The following USP32 variants were observed in gnomAD, a reference collection of about 807,000 sequenced individuals.
USP32 encodes ubiquitin carboxyl-terminal hydrolase 32.
Under a neutral mutation model 204.8 loss-of-function variants are expected in USP32, and 59 were observed. The observed-to-expected ratio is 0.29, with a 90% CI of 0.23 to 0.36. USP32 has a LOEUF of 0.36. USP32 is among the 10% of genes least tolerant of loss of function. The probability of loss-of-function intolerance (pLI) is 1.00; values close to 1 mark genes in which losing one functional copy is unlikely to be tolerated. For synonymous variants in USP32, 517 were observed against 678.4 expected (o/e 0.76, Z 3.70); for missense variants, 1,160 against 1,946.4 (o/e 0.60, Z 7.60).
In USP32 at chr17:60,178,647, G is replaced by A. The variant is rs930732186; in HGVS notation, c.*608C>T. On this transcript the variant is annotated 3_prime_UTR_variant, in exon 34 of 34. Coordinates refer to ENST00000300896, the MANE Select transcript of USP32 (RefSeq NM_032582.4). ...GCCCCTGCCACCAATGACTGGTTGT[G>A]TCTCAAACATAAATACAACGGCAAA... Among the ~76,000 whole-genome samples, 1 of 152,138 alleles carries A rather than the reference G, an allele frequency of 6.6e-6. No homozygotes were observed. The highest frequency in any genetic ancestry group is 2.4e-5 in the African/African-American group (1 of 41,422).
At position 60,198,242 on chromosome 17, in the gene USP32, T is replaced by C. The variant is rs1418145804; in HGVS notation, c.3434+18A>G. On this transcript the variant is annotated intron_variant, in intron 27 of 33. Coordinates refer to ENST00000300896, the MANE Select transcript of USP32 (RefSeq NM_032582.4). ...AGAGTTTGGAAACCACAGGTTTAGA[T>C]GGATCCCCTGAACTCACCAATCCTG... 6.2e-7 allele frequency: 1 copy of C among 1,611,940 alleles called. No homozygotes were observed. The highest frequency in any genetic ancestry group is 8.5e-7 in the Non-Finnish European group (1 of 1,179,282).
rs187016163 is a variant in USP32, at chr17:60,360,163, C to G, written c.59-14555G>C. On this transcript the variant is annotated intron_variant, in intron 1 of 33. Coordinates refer to ENST00000300896, the MANE Select transcript of USP32 (RefSeq NM_032582.4). ...GATTACAAGCGTGAGCCACCGCGCC[C>G]GGCCCTGTAAGACAAAGATCCTTAA... Among the ~76,000 whole-genome samples, 1,205 of 151,924 alleles carry G rather than the reference C, an allele frequency of 7.9e-3. 23 individuals are homozygous for G. The highest frequency in any genetic ancestry group is 0.028 in the African/African-American group (1,171 of 41,514).
chr17:60,405,144 G>A (rs750171827), intron 1 of USP32, among the ~76,000 whole-genome samples: 105 of 151,996 alleles, frequency 6.9e-4, no homozygotes, highest in Non-Finnish European at 1.3e-3. Context: ...CAGCCTAGGC[G>A]ACAGAGCAAA....
At chr17:60,416,941 A>G (rs1598326057) in intron 1 of USP32, among the ~76,000 whole-genome samples, 2 of 149,298 alleles carry the variant, frequency 1.3e-5, no homozygotes, top group East Asian at 3.9e-4. Context: ...TTTTTGAGAC[A>G]GAGTCTCAAT....
intron 1 of USP32, among the ~76,000 whole-genome samples, chr17:60,358,773 C>T (rs1397192612): frequency 2.0e-5 from 3 of 152,070 alleles, no homozygotes; most frequent in Admixed American, 6.6e-5. Context: ...TTGAGGATGA[C>T]GGTGCTTCGC....
chr17:60,294,078 C>T (rs969896106), intron 4 of USP32, among the ~76,000 whole-genome samples: 5 of 152,092 alleles, frequency 3.3e-5, no homozygotes, highest in Non-Finnish European at 5.9e-5. Context: ...TGACTTTCCC[C>T]ACCCTCTGGT....
At chr17:60,251,031 C>G (rs2086152901) in intron 11 of USP32, among the ~76,000 whole-genome samples, 1 of 151,604 alleles carries the variant, frequency 6.6e-6, no homozygotes, top group Admixed American at 6.6e-5. Flanking sequence ...CAGCCTTGAC[C>G]TCCTGGGCTC....
rs1166565040 is a variant in USP32 at position 60,367,494 on chromosome 17, C to T, written c.59-21886G>A. On this transcript the variant is annotated intron_variant, in intron 1 of 33. Transcript: ENST00000300896. Reference sequence around the variant, plus strand: ...ACTGCACTCTAGCTGGGCAACAGAACGTGTCTCACAAAACAGAAAGAAAGA... The same window carrying T: ...ACTGCACTCTAGCTGGGCAACAGAATGTGTCTCACAAAACAGAAAGAAAGA... Among the ~76,000 whole-genome samples, 7 of 152,004 alleles carry T rather than the reference C, an allele frequency of 4.6e-5. No individual in the cohort carries two copies. In the South Asian group the frequency reaches 6.2e-4, roughly 13 times the overall value.
intron 15 of USP32, 49 bp downstream of exon 15, chr17:60,222,360 C>T (rs760753437): frequency 6.3e-7 from 1 of 1,574,818 alleles, no homozygotes; most frequent in Admixed American, 1.8e-5. Context: ...TAACAGAAGA[C>T]CCCCATCTAT....
chr17:60,392,589 T>C (rs1045111413), upstream of USP32: 3 of 445,546 alleles, frequency 6.7e-6, no homozygotes, highest in African/African-American at 6.1e-5. Context: ...CCGCAGAATC[T>C]TAGGGAATGG....
Position 60,284,266 on chromosome 17 carries a change from T to A in USP32, c.571+4257A>T, listed in dbSNP as rs8066117. Among the ~76,000 whole-genome samples the A allele has an allele frequency of 4.7e-5, 7 of 148,452 alleles. No individual in the cohort carries two copies. In the South Asian group the frequency reaches 1.5e-3, roughly 32 times the overall value. On this transcript the variant is annotated intron_variant, in intron 5 of 33. Coordinates refer to ENST00000300896, the MANE Select transcript of USP32 (RefSeq NM_032582.4). Reference sequence around the variant, plus strand: ...TCTCGCCCTGTCGCCCAGGCTGGAGTGTAGTGGCATGATCTTGGCTCACTG... The same window carrying A: ...TCTCGCCCTGTCGCCCAGGCTGGAGAGTAGTGGCATGATCTTGGCTCACTG...
chr17:60,208,339 T>G (rs976974545), intron 23 of USP32, 129 bp from the exon 24 acceptor site: 76 of 902,162 alleles, frequency 8.4e-5, no homozygotes, highest in African/African-American at 5.7e-4. Context: ...TTATTTTATG[T>G]GTAAACACTA....
chr17:60,379,586 C>T (rs969409829), intron 1 of USP32, among the ~76,000 whole-genome samples: 2 of 152,114 alleles, frequency 1.3e-5, no homozygotes, highest in African/African-American at 4.8e-5. Context: ...TACAGTGTAA[C>T]CTACAATTGT....
chr17:60,245,791 T>C (rs2086005283), intron 11 of USP32: 1 of 152,226 alleles, frequency 6.6e-6, no homozygotes, highest in Non-Finnish European at 1.5e-5. Context: ...AAGACAGATT[T>C]CCTGGTAACA....
chr17:60,232,613 C>T (rs2085600895), intron 12 of USP32, among the ~76,000 whole-genome samples: 2 of 143,816 alleles, frequency 1.4e-5, no homozygotes, highest in African/African-American at 5.2e-5. Context: ...GTGGCATCAT[C>T]TTGGCTCTCT....
At chr17:60,388,091 T>C (rs1195786623) in intron 1 of USP32, among the ~76,000 whole-genome samples, 1 of 152,072 alleles carries the variant, frequency 6.6e-6, no homozygotes, top group African/African-American at 2.4e-5. Context: ...TCAGTAAAAA[T>C]CTGCTGAATT....
intron 11 of USP32, chr17:60,249,342 A>G: frequency 5.9e-6 from 1 of 169,338 alleles, no homozygotes; most frequent in Non-Finnish European, 1.3e-5. Flanking sequence ...GTTTCTCCTG[A>G]GTTTGTGTAT....
intron 4 of USP32, among the ~76,000 whole-genome samples, chr17:60,293,226 G>C (rs563503381): frequency 1.1e-4 from 16 of 152,160 alleles, no homozygotes; most frequent in African/African-American, 3.9e-4. Context: ...TAAGTTTTTA[G>C]AGTACTGGGT....
intron 9 of USP32, among the ~76,000 whole-genome samples, chr17:60,259,281 A>G (rs8072802): frequency 0.022 from 3,276 of 152,290 alleles, 139 homozygotes; most frequent in African/African-American, 0.075. Flanking sequence ...TGGCCTTTTA[A>G]AGAGAAGAAG....
Sources: allele counts gnomAD v4.1 joint callset (sites outside exome capture counted in the v4.1 genomes callset), GRCh38; gene constraint gnomAD v4.1.1; transcripts MANE v1.5; gene names NCBI Gene and HGNC (gene_info 2026-07-23, HGNC 2026-07-21).